WHR1: variants seen among roughly 807,000 people sequenced by gnomAD.
WHR1 encodes the protein MHC class III HLA-RP1.
the WHR1 span, among the ~76,000 whole-genome samples, chr6:31,976,272 C>A: frequency 1.3e-5 from 2 of 151,278 alleles, no homozygotes; most frequent in African/African-American, 4.9e-5. Flanking sequence ...CTGACCCCCC[C>A]ACCTCCCTCC....
chr6:31,978,951 G>C, the WHR1 span: 1 of 1,612,412 alleles, frequency 6.2e-7, no homozygotes, highest in Non-Finnish European at 8.5e-7. Context: ...GCTGGGCTTC[G>C]ACTTGGATGC....
chr6:31,978,950 C>T, the WHR1 span: 22 of 1,612,044 alleles, frequency 1.4e-5, no homozygotes, highest in Middle Eastern at 1.6e-4. Context: ...AGCTGGGCTT[C>T]GACTTGGATG....
At chr6:31,975,936 G>A in the WHR1 span, among the ~76,000 whole-genome samples, 3 of 150,820 alleles carry the variant, frequency 2.0e-5, no homozygotes, top group African/African-American at 4.9e-5. Context: ...CTCCCGGACG[G>A]GGCGGCTGGC....
chr6:31,979,042 G>C, the WHR1 span: 14 of 1,585,526 alleles, frequency 8.8e-6, no homozygotes, highest in African/African-American at 1.4e-5. Flanking sequence ...GAGGGCACAG[G>C]TTGGGGGAGA....
chr6:31,978,840 C>A, the WHR1 span: 1 of 1,501,270 alleles, frequency 6.7e-7, no homozygotes, highest in Non-Finnish European at 9.1e-7. Flanking sequence ...TGAGAGCGCC[C>A]AGAGTATAGC....
the WHR1 span, chr6:31,980,647 C>T: frequency 1.7e-6 from 2 of 1,172,674 alleles, no homozygotes; most frequent in Non-Finnish European, 2.3e-6. Flanking sequence ...TGCCACTTCT[C>T]CTCTAGGGCG....
chr6:31,977,338 A>AT, the WHR1 span, among the ~76,000 whole-genome samples: 4,301 of 127,360 alleles, frequency 0.034, 148 homozygotes, highest in Admixed American at 0.042. Flanking sequence ...CGCCCAGCTA[A>AT]TTTTTTTTTT....
chr6:31,974,918 G>A, the WHR1 span, among the ~76,000 whole-genome samples: 9 of 152,240 alleles, frequency 5.9e-5, no homozygotes, highest in Admixed American at 3.3e-4. Context: ...TAGGTCTCCC[G>A]TGAGGAAGCA....
the WHR1 span, chr6:31,980,824 G>A: frequency 1.3e-6 from 2 of 1,495,032 alleles, no homozygotes; most frequent in Non-Finnish European, 1.8e-6. Context: ...CTGGCCTCTG[G>A]CAGATTATGG....
chr6:31,972,319 A>T, the WHR1 span: 1 of 1,613,036 alleles, frequency 6.2e-7, no homozygotes, highest in Non-Finnish European at 8.5e-7. This position sits in a 1 kb window ranked among gnomAD's most constrained non-coding sequence, Gnocchi z 6.3. Context: ...GCCCGGGGAG[A>T]CCGTACGTCA....
the WHR1 span, among the ~76,000 whole-genome samples, chr6:31,975,933 A>T: frequency 1.2e-3 from 164 of 133,930 alleles, no homozygotes; most frequent in Admixed American, 3.0e-3. Flanking sequence ...TCCCTCCCGG[A>T]CGGGGCGGCT....
At chr6:31,975,437 G>A in the WHR1 span, among the ~76,000 whole-genome samples, 3 of 151,846 alleles carry the variant, frequency 2.0e-5, no homozygotes, top group Admixed American at 6.6e-5. Context: ...TCCTGACCTC[G>A]TGATCTGCCC....
At chr6:31,976,195 C>T in the WHR1 span, among the ~76,000 whole-genome samples, 388 of 150,426 alleles carry the variant, frequency 2.6e-3, 5 homozygotes, top group East Asian at 0.046. Context: ...CTCCTCACTT[C>T]CCAGTAGGGG....
the WHR1 span, chr6:31,971,535 C>G: frequency 4.8e-5 from 78 of 1,614,030 alleles, no homozygotes; most frequent in Non-Finnish European, 6.3e-5. The surrounding 1 kb of genome is among the most constrained non-coding windows in gnomAD (Gnocchi z 4.5). Context: ...AGCCCAGTTC[C>G]GAAGGGCGCC....
the WHR1 span, among the ~76,000 whole-genome samples, chr6:31,975,815 G>GC: frequency 1.3e-5 from 2 of 151,800 alleles, no homozygotes; most frequent in Non-Finnish European, 2.9e-5. Flanking sequence ...AGATGGGGTG[G>GC]TGGCCGGGCA....
the WHR1 span, chr6:31,971,982 G>A: frequency 8.2e-6 from 13 of 1,590,198 alleles, no homozygotes; most frequent in Non-Finnish European, 1.1e-5. This position sits in a 1 kb window ranked among gnomAD's most constrained non-coding sequence, Gnocchi z 4.5. Context: ...TGGCAGGCAC[G>A]CCAGAGGCCG....
the WHR1 span, chr6:31,973,018 G>C: frequency 1.4e-6 from 1 of 697,952 alleles, no homozygotes; most frequent in Non-Finnish European, 2.6e-6. Context: ...TGGGAGTGCA[G>C]TCAGACGTCA....
chr6:31,979,409 T>A, the WHR1 span: 2 of 1,612,736 alleles, frequency 1.2e-6, no homozygotes, highest in Admixed American at 1.7e-5. Context: ...CATCTCTGCT[T>A]GTAGGTCCTC....
chr6:31,979,195 A>AG, the WHR1 span, among the ~76,000 whole-genome samples: 1 of 105,342 alleles, frequency 9.5e-6, no homozygotes, highest in East Asian at 3.4e-4. Flanking sequence ...GAGGGTAAAG[A>AG]GGGGGGGAGA....
Sources: gnomAD v4.1 joint callset for allele counts (sites outside exome capture counted in the v4.1 genomes callset) on GRCh38, gnomAD v4.1.1 for gene constraint, Gnocchi (gnomAD v3.1) non-coding constraint, MANE v1.5 for transcripts, NCBI Gene and HGNC (gene_info 2026-07-23, HGNC 2026-07-21) for gene names.